Variants in LRRC7 observed in about 807,000 individuals in gnomAD.
LRRC7 encodes leucine-rich repeat-containing protein 7.
In LRRC7, 23 loss-of-function variants were observed where a neutral mutation model predicts 175.7. The observed-to-expected ratio is 0.13, with a 90% CI of 0.09 to 0.19. The LOEUF is 0.19. LRRC7 is among the 10% of genes least tolerant of loss of function. The pLI is 1.00. For synonymous variants in LRRC7, 685 were observed against 680.9 expected, an observed-to-expected ratio of 1.01 and a Z score of -0.09; for missense variants, 1,354 against 1,904.7, an observed-to-expected ratio of 0.71 and a Z score of 5.38.
intron 1 of LRRC7, among the ~76,000 whole-genome samples, chr1:69,653,587 A>G (rs111955988): frequency 8.9e-4 from 135 of 152,252 alleles, no homozygotes; most frequent in African/African-American, 3.0e-3. Context: ...GTTTTCTAAC[A>G]GTATGGAGGT....
At chr1:69,931,644 C>A in intron 8 of LRRC7, 74 bp downstream of exon 8, 1 of 1,236,620 alleles carries the variant, frequency 8.1e-7, no homozygotes, top group Non-Finnish European at 1.2e-6. Flanking sequence ...CTTTGTAAAC[C>A]AAGGTATTAA....
chr1:69,674,978 A>C (rs949308908), intron 1 of LRRC7, among the ~76,000 whole-genome samples: 1 of 152,212 alleles, frequency 6.6e-6, no homozygotes, highest in African/African-American at 2.4e-5. Flanking sequence ...AGCATTTTAC[A>C]TGTGTTACCA....
At chr1:69,948,816 C>G (rs1039812723) in intron 8 of LRRC7, among the ~76,000 whole-genome samples, 1 of 152,170 alleles carries the variant, frequency 6.6e-6, no homozygotes, top group Non-Finnish European at 1.5e-5. Flanking sequence ...TGAAGAATTA[C>G]TGATGAGGAC....
At chr1:70,082,780 C>T (rs1297195649) in intron 24 of LRRC7, among the ~76,000 whole-genome samples, 26 of 3,146 alleles carry the variant, frequency 8.3e-3, no homozygotes, top group Non-Finnish European at 0.02. Context: ...GATACCAGTA[C>T]ATTTTTTTTT....
At chr1:69,959,465 G>A (rs1650829903) in intron 8 of LRRC7, among the ~76,000 whole-genome samples, 1 of 151,982 alleles carries the variant, frequency 6.6e-6, no homozygotes, top group African/African-American at 2.4e-5. Context: ...ATCAGCCAGT[G>A]GTATATTTGC....
chr1:70,032,259 G>T (rs1005382319), intron 18 of LRRC7, among the ~76,000 whole-genome samples: 2 of 152,080 alleles, frequency 1.3e-5, no homozygotes, highest in Admixed American at 6.5e-5. Flanking sequence ...ACACCCATGG[G>T]TGCCTCAGAG....
chr1:70,021,249 T>C, intron 16 of LRRC7, 120 bp downstream of exon 16: 2 of 897,326 alleles, frequency 2.2e-6, no homozygotes, highest in Non-Finnish European at 3.4e-6. Flanking sequence ...TGGCGGTACC[T>C]TTCATTACAG....
chr1:70,017,778 A>C (rs1158389048), intron 14 of LRRC7, among the ~76,000 whole-genome samples: 1 of 152,142 alleles, frequency 6.6e-6, no homozygotes, highest in African/African-American at 2.4e-5. Flanking sequence ...TTCAAATTCA[A>C]ATCTTATCAA....
intron 1 of LRRC7, among the ~76,000 whole-genome samples, chr1:69,569,024 T>G (rs1645621875): frequency 1.3e-5 from 2 of 152,076 alleles, no homozygotes; most frequent in Non-Finnish European, 2.9e-5. Flanking sequence ...AGTCAGCTTT[T>G]TTCCCAGAGG....
At chr1:69,907,579 G>A (rs553787969) in intron 7 of LRRC7, among the ~76,000 whole-genome samples, 4 of 152,300 alleles carry the variant, frequency 2.6e-5, no homozygotes, top group Admixed American at 2.6e-4. Context: ...ATTTATGTAT[G>A]TTGAACCAGC....
At position 69,840,700 on chromosome 1, in the gene LRRC7, A is replaced by G. The variant is rs1022786207; in HGVS notation, c.647+2417A>G. On this transcript the variant is annotated intron_variant, in intron 7 of 26. Transcript: ENST00000651989. ...AAGTTTCCTTATAATGTTTATGATC[A>G]TTCCTCTACATACATCAAGGAGTAA... 2.0e-5 allele frequency among the ~76,000 whole-genome samples: 3 copies of G among 152,092 alleles called. No homozygotes were observed. In the Admixed American group the frequency reaches 2.0e-4, roughly 10 times the overall value.
chr1:69,578,757 A>G (rs932923485), intron 1 of LRRC7, among the ~76,000 whole-genome samples: 1 of 139,492 alleles, frequency 7.2e-6, no homozygotes, highest in Non-Finnish European at 1.5e-5. Flanking sequence ...ACACATGGAC[A>G]CAGGAAGGGG....
At chr1:69,814,387 G>A (rs1678331831) in intron 4 of LRRC7, among the ~76,000 whole-genome samples, 2 of 152,020 alleles carry the variant, frequency 1.3e-5, no homozygotes, top group Admixed American at 6.6e-5. Flanking sequence ...TGAAGTGTAA[G>A]TTACCTTATA....
At position 70,128,572 on chromosome 1, in the gene LRRC7, A is replaced by T. The variant is rs1006343429; in HGVS notation, c.*6685A>T. The T allele has an allele frequency of 6.6e-6, 1 of 152,226 alleles. No individual in the cohort carries two copies. The highest frequency in any genetic ancestry group is 2.4e-5 in the African/African-American group (1 of 41,454). The allele number at this position is 152,226 out of a possible 1,614,324, so 9.4% of individuals were successfully genotyped here. ...TACTGTAGCTGAATCTCTGAGGCCTAAAGTATATTATTCATAAACTGAAAA... is the reference window on the plus strand; with the variant it reads ...TACTGTAGCTGAATCTCTGAGGCCTTAAGTATATTATTCATAAACTGAAAA... On this transcript the variant is annotated 3_prime_UTR_variant, in exon 27 of 27. Coordinates refer to ENST00000651989, the MANE Select transcript of LRRC7 (RefSeq NM_001370785.2).
chr1:69,795,329 C>G (rs553712983), intron 4 of LRRC7, among the ~76,000 whole-genome samples: 82 of 150,454 alleles, frequency 5.5e-4, no homozygotes, highest in African/African-American at 1.9e-3. Context: ...GCAGTGAGAT[C>G]ACGCCACTGC....
chr1:69,873,223 G>A (rs551467956), intron 7 of LRRC7, among the ~76,000 whole-genome samples: 7 of 152,118 alleles, frequency 4.6e-5, no homozygotes, highest in East Asian at 1.9e-4. Flanking sequence ...CATGTTTTTC[G>A]TCATCTGGCC....
intron 7 of LRRC7, among the ~76,000 whole-genome samples, chr1:69,847,392 T>C (rs558330408): frequency 5.5e-4 from 84 of 152,292 alleles, no homozygotes; most frequent in Admixed American, 2.0e-3. Context: ...TCTGTGCTGA[T>C]GAGCAGCAAA....
At chr1:69,958,920 G>T (rs1440479441) in intron 8 of LRRC7, among the ~76,000 whole-genome samples, 1 of 152,042 alleles carries the variant, frequency 6.6e-6, no homozygotes, top group Non-Finnish European at 1.5e-5. Flanking sequence ...ATGTGAGGAG[G>T]CTGAAGCCCA....
In LRRC7 at chr1:69,825,568, A is replaced by G. The variant is rs1019995343; in HGVS notation, c.422-180A>G. Among the ~76,000 whole-genome samples, 5 of 152,028 alleles carry G rather than the reference A, an allele frequency of 3.3e-5. No homozygotes were observed. The East Asian group carries it at 9.7e-4, about 29-fold the overall frequency. ...ATTCAACCTTTATTAAAAATTATGT[A>G]TATATGATTAATAATATTGATATGT... is the stretch of plus-strand genomic sequence containing the variant. On this transcript the variant is annotated intron_variant, in intron 4 of 26. Transcript: ENST00000651989.
Sources: allele counts gnomAD v4.1 joint callset (sites outside exome capture counted in the v4.1 genomes callset), GRCh38; gene constraint gnomAD v4.1.1; transcripts MANE v1.5; gene names NCBI Gene and HGNC (gene_info 2026-07-23, HGNC 2026-07-21).